The following PLPP3 variants were observed in gnomAD, a reference collection of about 807,000 sequenced individuals.
PLPP3 encodes PAP2 beta.
Under a neutral mutation model 29.6 loss-of-function variants are expected in PLPP3, and 6 were observed. The observed-to-expected ratio is 0.20, with a 90% CI of 0.11 to 0.40. PLPP3 has a LOEUF of 0.40. Among genes scored for constraint, PLPP3 ranks in the 10% least tolerant of loss-of-function variants. The pLI is 1.00. For missense variants in PLPP3, 308 were observed against 407.7 expected, an observed-to-expected ratio of 0.76 and a Z score of 2.11; for synonymous variants, 152 against 159.7, an observed-to-expected ratio of 0.95 and a Z score of 0.36.
rs2100320382 is a variant in PLPP3, at chr1:56,579,235, G to C, written c.-219C>G. On this transcript the variant is annotated 5_prime_UTR_variant, in exon 1 of 6. Transcript: ENST00000371250. ...CTCCTGCGCGCCTCTGCTTTCCTCT[G>C]TCAACCCTAAATCGTTCTAAAGTCC... 1.8e-6 allele frequency: 1 copy of C among 552,406 alleles called. No individual in the cohort carries two copies. The highest frequency in any genetic ancestry group is 3.1e-6 in the Non-Finnish European group (1 of 324,676). 34.2% of individuals were successfully genotyped at this position (552,406 alleles called of 1,614,324 possible).
In PLPP3 at chr1:56,578,950, T is replaced by C. The variant is rs1646257763; in HGVS notation, c.67A>G (p.Asn23Asp). The change falls in exon 1 of 6, where the codon AAC becomes GAC. Residue 23 changes from asparagine (N) to aspartate (D), a missense_variant. Asn to Asp is a conservative substitution (Grantham distance 23). Coordinates refer to ENST00000371250, the MANE Select transcript of PLPP3 (RefSeq NM_003713.5). ...CTGCCGCTCCTCCTCGGGTTGTTGT[T>C]GAGCGCCGGGCTGCCGCCGTTCTTG... ...ESKNGGSPAL[N>D]NNPRRSGSKR... The C allele has an allele frequency of 6.2e-7, 1 of 1,605,460 alleles. No individual in the cohort carries two copies. Among genetic ancestry groups the C allele is most frequent in the Non-Finnish European group, 8.5e-7 (1 of 1,176,782 alleles).
intron 1 of PLPP3, among the ~76,000 whole-genome samples, chr1:56,539,616 A>G (rs1353657125): frequency 6.6e-6 from 1 of 152,226 alleles, no homozygotes; most frequent in African/African-American, 2.4e-5. Context: ...GGGCCATGAC[A>G]GGCAATAGCC....
chr1:56,559,555 A>ATTT (rs1646107126), intron 1 of PLPP3, among the ~76,000 whole-genome samples: 2 of 44,756 alleles, frequency 4.5e-5, no homozygotes, highest in African/African-American at 1.2e-4. Flanking sequence ...CCCAGCCTTG[A>ATTT]ATTTTTTTTT....
At chr1:56,552,072 C>T (rs1056225722) in intron 1 of PLPP3, among the ~76,000 whole-genome samples, 2 of 152,144 alleles carry the variant, frequency 1.3e-5, no homozygotes, top group African/African-American at 4.8e-5. Context: ...TTTCCATATT[C>T]CTATGCACAC....
chr1:56,533,354 G>T (rs1251537166), intron 2 of PLPP3, among the ~76,000 whole-genome samples: 3 of 152,090 alleles, frequency 2.0e-5, no homozygotes, highest in Non-Finnish European at 4.4e-5. Flanking sequence ...CTCGAGATGG[G>T]GTAGCTGCTA....
chr1:56,526,300 G>C (rs975976891), intron 2 of PLPP3, among the ~76,000 whole-genome samples: 1 of 152,140 alleles, frequency 6.6e-6, no homozygotes, highest in East Asian at 1.9e-4. Context: ...AGAATGCTTT[G>C]ATAACACGTT....
chr1:56,517,416 C>T (rs1046638344), intron 4 of PLPP3, among the ~76,000 whole-genome samples: 4 of 152,238 alleles, frequency 2.6e-5, no homozygotes, highest in African/African-American at 9.6e-5. Flanking sequence ...TCTTCTGTCA[C>T]TATCAGAGGG....
At chr1:56,577,767 G>T (rs1246946510) in intron 1 of PLPP3, among the ~76,000 whole-genome samples, 11 of 152,070 alleles carry the variant, frequency 7.2e-5, no homozygotes, top group Non-Finnish European at 1.5e-5. Flanking sequence ...TCCTAATGCG[G>T]GAAGGGGCCT....
intron 4 of PLPP3, among the ~76,000 whole-genome samples, chr1:56,514,445 G>C (rs780180262): frequency 1.5e-4 from 23 of 152,142 alleles, no homozygotes; most frequent in Non-Finnish European, 5.9e-5. Flanking sequence ...GAGAAATAGG[G>C]CTGCAGAGAC....
chr1:56,577,439 A>G (rs957166870), intron 1 of PLPP3, among the ~76,000 whole-genome samples: 1 of 152,152 alleles, frequency 6.6e-6, no homozygotes, highest in Non-Finnish European at 1.5e-5. Flanking sequence ...ACAGAGCACA[A>G]TTATACCTTC....
rs1645744489 is a variant in PLPP3 at position 56,512,072 on chromosome 1, G to A, written c.714C>T (p.Ala238=). Residue 238 remains alanine, a synonymous_variant, in exon 5 of 6, where the codon GCC becomes GCT. Coordinates refer to ENST00000371250, the MANE Select transcript of PLPP3 (RefSeq NM_003713.5). The part of the protein sequence containing the change: ...PLLQFTLIMM[A]FYTGLSRVSD... ...ATACGCGAGACAGTCCCGTGTAGAA[G>A]GCCATCATGATCAAGGTGAACTGCA... is the stretch of plus-strand genomic sequence containing the variant. 1 of 1,613,730 alleles carries A rather than the reference G, an allele frequency of 6.2e-7. No individual in the cohort carries two copies. The highest frequency in any genetic ancestry group is 1.1e-5 in the South Asian group (1 of 91,022).
intron 5 of PLPP3, among the ~76,000 whole-genome samples, chr1:56,505,834 T>A (rs1443900319): frequency 6.6e-6 from 1 of 152,244 alleles, no homozygotes; most frequent in African/African-American, 2.4e-5. Flanking sequence ...CTTTTTATTG[T>A]GCTGGAGGTC....
intron 1 of PLPP3, among the ~76,000 whole-genome samples, chr1:56,550,582 G>C (rs901207715): frequency 1.3e-5 from 2 of 152,110 alleles, no homozygotes; most frequent in South Asian, 4.1e-4. Flanking sequence ...ATCAGGCAGA[G>C]GGGAGGAAGA....
At chr1:56,557,702 C>T (rs1291707724) in intron 1 of PLPP3, among the ~76,000 whole-genome samples, 1 of 152,190 alleles carries the variant, frequency 6.6e-6, no homozygotes, top group African/African-American at 2.4e-5. Context: ...AGACATATAA[C>T]ATTGTCAAGT....
chr1:56,496,804 G>T (rs1431958036), intron 5 of PLPP3, 128 bp from the exon 6 acceptor site: 1 of 897,274 alleles, frequency 1.1e-6, no homozygotes, highest in South Asian at 1.7e-5. Context: ...TTTGAATAGG[G>T]AAGGACAACA....
At chr1:56,554,889 A>G (rs577467613) in intron 1 of PLPP3, among the ~76,000 whole-genome samples, 118 of 152,256 alleles carry the variant, frequency 7.8e-4, no homozygotes, top group African/African-American at 2.8e-3. Flanking sequence ...TTCACTTCAC[A>G]CTCATAGTCA....
intron 1 of PLPP3, among the ~76,000 whole-genome samples, chr1:56,563,693 G>A (rs1646144824): frequency 6.6e-6 from 1 of 152,176 alleles, no homozygotes; most frequent in African/African-American, 2.4e-5. Flanking sequence ...ATTATTAACA[G>A]TGTGTCACCA....
At chr1:56,534,954 G>A (rs994933691) in intron 2 of PLPP3, among the ~76,000 whole-genome samples, 1 of 152,126 alleles carries the variant, frequency 6.6e-6, no homozygotes, top group African/African-American at 2.4e-5. Flanking sequence ...AGAGTGGGGG[G>A]TGTAGCTAAG....
At position 56,557,052 on chromosome 1, in the gene PLPP3, G is replaced by GAAAGAAAGAAAGAA. The variant is rs56809823; in HGVS notation, c.140-19941_140-19940insTTCTTTCTTTCTTT. Among the ~76,000 whole-genome samples the GAAAGAAAGAAAGAA allele has an allele frequency of 4.8e-4, 4 of 8,332 alleles. 2 individuals carry two copies. The highest frequency in any genetic ancestry group is 9.3e-4 in the Non-Finnish European group (2 of 2,156). 5.5% of individuals were successfully genotyped at this position (8,332 alleles called of 152,430 possible). ...AGAGAGAGAGAGAGAGAGAGAGAGA[G>GAAAGAAAGAAAGAA]AGAGAGAAAGAAAGAAAGAAAGAAA... is the stretch of plus-strand genomic sequence containing the variant. On this transcript the variant is annotated intron_variant, in intron 1 of 5. Coordinates refer to ENST00000371250, the MANE Select transcript of PLPP3 (RefSeq NM_003713.5).
Sources: allele counts gnomAD v4.1 joint callset (sites outside exome capture counted in the v4.1 genomes callset), GRCh38; gene constraint gnomAD v4.1.1; transcripts MANE v1.5; gene names NCBI Gene and HGNC (gene_info 2026-07-23, HGNC 2026-07-21).